RUFY1: variants seen among roughly 807,000 people sequenced by gnomAD.
The protein encoded by RUFY1 is RUN and FYVE domain containing 1.
Under a neutral mutation model 94.6 loss-of-function variants are expected in RUFY1, and 54 were observed. The observed-to-expected ratio is 0.57, with a 90% CI of 0.46 to 0.72. The LOEUF (loss-of-function observed/expected upper bound fraction) is 0.72. Ranked by LOEUF, RUFY1 falls within the 30% of genes least tolerant of loss-of-function variation. RUFY1 has a pLI of 0.00. For missense variants in RUFY1, 883 were observed against 883.9 expected (o/e 1.00, Z 0.01); for synonymous variants, 396 against 347.3 (o/e 1.14, Z -1.56).
rs182921935 is a variant in RUFY1 at position 179,566,986 on chromosome 5, G to A, written c.603-475G>A. On this transcript the variant is annotated intron_variant, in intron 3 of 17. Transcript: ENST00000319449. ...TGAGAATCGCTTGAACCCAGGAGGC[G>A]GAGGTTGCAATGAGCTGAGATTGCA... Among the ~76,000 whole-genome samples, 4 of 152,080 alleles carry A rather than the reference G, an allele frequency of 2.6e-5. No individual in the cohort carries two copies. In the East Asian group the frequency reaches 5.8e-4, roughly 22 times the overall value.
At chr5:179,605,346 AG>A (rs1439466563) in intron 15 of RUFY1, among the ~76,000 whole-genome samples, 1 of 151,558 alleles carries the variant, frequency 6.6e-6, no homozygotes, top group African/African-American at 2.4e-5. Flanking sequence ...TATTTGGTTT[AG>A]TTCTGCCAAT....
At chr5:179,585,894 CAA>C in intron 8 of RUFY1, 29 bp downstream of exon 8, 2 of 1,544,138 alleles carry the variant, frequency 1.3e-6, no homozygotes, top group Non-Finnish European at 1.8e-6. Flanking sequence ...AATTTTTAGA[CAA>C]AACAGAATGA....
intron 9 of RUFY1, 110 bp downstream of exon 9, chr5:179,589,757 C>G: frequency 1.2e-6 from 1 of 845,788 alleles, no homozygotes; most frequent in Admixed American, 2.1e-5. Flanking sequence ...GCAAAGGTGC[C>G]TTGCTTATGT....
intron 12 of RUFY1, chr5:179,596,085 A>G (rs1314341332): frequency 1.1e-5 from 2 of 183,004 alleles, no homozygotes; most frequent in East Asian, 1.7e-4. Context: ...GCTAGAAGCA[A>G]TCCCAATGTT....
chr5:179,560,546 G>T (rs368007555), intron 2 of RUFY1, among the ~76,000 whole-genome samples: 10 of 144,878 alleles, frequency 6.9e-5, no homozygotes, highest in East Asian at 2.0e-4. Flanking sequence ...GGTGAAACCC[G>T]GTCTCTACTA....
intron 7 of RUFY1, among the ~76,000 whole-genome samples, chr5:179,585,496 T>C (rs1455774936): frequency 6.6e-6 from 1 of 152,138 alleles, no homozygotes; most frequent in Admixed American, 6.6e-5. Context: ...GGAAAATCGC[T>C]TGAACCCGGG....
chr5:179,550,719 G>T lies in RUFY1; in HGVS notation c.150G>T (p.Leu50=). 2 of 1,485,886 alleles carry T rather than the reference G, an allele frequency of 1.3e-6. No homozygotes were observed. The highest frequency in any genetic ancestry group is 1.5e-5 in the African/African-American group (1 of 68,792). The allele number at this position is 1,485,886 out of a possible 1,614,324, so 92.0% of individuals were successfully genotyped here. A position where few individuals can be genotyped will look rare whatever the true frequency, so the allele number is the denominator to read the frequency against. ...DRSQLPGPGD[L]RSATRPRAAE... is the part of the protein sequence containing the mutation. Reference sequence around the variant, plus strand: ...GCCAGCTGCCCGGCCCAGGCGACCTGCGGAGCGCAACGAGGCCGCGGGCGG... The same window carrying T: ...GCCAGCTGCCCGGCCCAGGCGACCTTCGGAGCGCAACGAGGCCGCGGGCGG... Residue 50 remains leucine, a synonymous_variant, in exon 1 of 18, where the codon CTG becomes CTT. Transcript: ENST00000319449.
chr5:179,606,132 TC>T, intron 16 of RUFY1: 1 of 587,742 alleles, frequency 1.7e-6, no homozygotes, highest in Non-Finnish European at 3.0e-6. Context: ...GCCTAGGTCT[TC>T]CGACTCCAGT....
intron 17 of RUFY1, 152 bp from the exon 18 acceptor site, chr5:179,609,224 A>G: frequency 1.5e-6 from 1 of 648,320 alleles, no homozygotes; most frequent in Non-Finnish European, 2.5e-6. Flanking sequence ...AAAAAAAAAA[A>G]AGACCCTTGT....
chr5:179,591,946 T>C (rs7711933), intron 10 of RUFY1, among the ~76,000 whole-genome samples: 6,652 of 152,262 alleles, frequency 0.044, 493 homozygotes, highest in African/African-American at 0.15. Flanking sequence ...TATTTTTTGT[T>C]TGTTTGGGTT....
intron 3 of RUFY1, among the ~76,000 whole-genome samples, chr5:179,566,646 T>C (rs1762854344): frequency 6.6e-6 from 1 of 150,668 alleles, no homozygotes; most frequent in Admixed American, 6.6e-5. Flanking sequence ...AAAAAAAGAT[T>C]GGTTCCACAA....
intron 7 of RUFY1, 47 bp from the exon 8 acceptor site, chr5:179,585,749 T>G: frequency 7.2e-7 from 1 of 1,380,404 alleles, no homozygotes; most frequent in Non-Finnish European, 1.0e-6. Flanking sequence ...GAGAAAACAG[T>G]CAGCTTGTAT....
chr5:179,601,877 G>A lies in RUFY1; in HGVS notation c.1762-15G>A, dbSNP rs759845939. The A allele has an allele frequency of 1.3e-6, 2 of 1,523,194 alleles. No individual in the cohort carries two copies. The highest frequency in any genetic ancestry group is 9.1e-7 in the Non-Finnish European group (1 of 1,099,354). 94.4% of individuals were successfully genotyped at this position (1,523,194 alleles called of 1,614,324 possible). On this transcript the variant is annotated splice_polypyrimidine_tract_variant and intron_variant, in intron 14 of 17. Transcript: ENST00000319449. The stretch of plus-strand genomic sequence containing the variant: ...TAATCCTCTGTCCAGCATCTGGTTG[G>A]TTTGTTCATTTTAGGAGTTGCGGGA...
In RUFY1 at chr5:179,550,589, G is replaced by T. The variant is rs747256338; in HGVS notation, c.20G>T (p.Gly7Val). Residue 7 changes from glycine (G) to valine (V), a missense_variant, in exon 1 of 18, where the codon GGC becomes GTC. Coordinates refer to ENST00000319449, the MANE Select transcript of RUFY1 (RefSeq NM_025158.5). ...GCCAAGATGGCCGACCGGGAAGGCGGCTGCGCTGCTGGGCGGGGGCGGGAG... is the reference window on the plus strand; with the variant it reads ...GCCAAGATGGCCGACCGGGAAGGCGTCTGCGCTGCTGGGCGGGGGCGGGAG... MADREGGCAAGRGRELE... is the reference protein window; with the variant it reads MADREGVCAAGRGRELE... 8.2e-7 allele frequency: 1 copy of T among 1,220,378 alleles called. No individual in the cohort carries two copies. Among genetic ancestry groups the T allele is most frequent in the South Asian group, 1.8e-5 (1 of 55,008 alleles). 75.6% of individuals were successfully genotyped at this position (1,220,378 alleles called of 1,614,324 possible).
intron 1 of RUFY1, among the ~76,000 whole-genome samples, chr5:179,554,108 T>C (rs994538968): frequency 6.6e-6 from 1 of 152,156 alleles, no homozygotes; most frequent in Non-Finnish European, 1.5e-5. Context: ...ACACAAGCAA[T>C]GAGGACAGGC....
Position 179,560,174 on chromosome 5 carries a change from C to A in RUFY1, c.460C>A (p.His154Asn). The A allele has an allele frequency of 1.2e-6, 2 of 1,613,948 alleles. No individual in the cohort carries two copies. The highest frequency in any genetic ancestry group is 2.2e-5 in the South Asian group (2 of 91,040). ...GCAGCAGTTCTTTGTAGTGATGGAG[C>A]ACTGCCTCAAACATGGGCTGAAAGG... ...PLQQFFVVME[H>N]CLKHGLKVKK... is the part of the protein sequence containing the mutation. The change falls in exon 2 of 18, where the codon CAC becomes AAC. Residue 154 changes from histidine (H) to asparagine (N), a missense_variant. His to Asn is a moderately conservative substitution (Grantham distance 68, BLOSUM62 1). Coordinates refer to ENST00000319449, the MANE Select transcript of RUFY1 (RefSeq NM_025158.5).
intron 3 of RUFY1, among the ~76,000 whole-genome samples, chr5:179,564,119 C>CTTTTTTT (rs59530799): frequency 7.5e-6 from 1 of 133,540 alleles, no homozygotes; most frequent in African/African-American, 2.8e-5. Context: ...CTGATGTTTT[C>CTTTTTTT]TTTTTTTTTT....
At chr5:179,551,042 G>C (rs1164728461) in intron 1 of RUFY1, among the ~76,000 whole-genome samples, 163 bp downstream of exon 1, 1 of 151,782 alleles carries the variant, frequency 6.6e-6, no homozygotes, top group Non-Finnish European at 1.5e-5. Context: ...TCTTTACTCC[G>C]GCGGCCCAGC....
At chr5:179,604,983 CAAAAAA>C (rs199950744) in intron 15 of RUFY1, among the ~76,000 whole-genome samples, 7 of 123,356 alleles carry the variant, frequency 5.7e-5, no homozygotes, top group Admixed American at 1.8e-4. Flanking sequence ...GACTCCATCT[CAAAAAA>C]AAAAAAGAAA....
Sources: gnomAD v4.1 joint callset for allele counts (sites outside exome capture counted in the v4.1 genomes callset) on GRCh38, gnomAD v4.1.1 for gene constraint, MANE v1.5 for transcripts, NCBI Gene and HGNC (gene_info 2026-07-23, HGNC 2026-07-21) for gene names.